THSD4: variants seen among roughly 807,000 people sequenced by gnomAD.
THSD4 encodes thrombospondin type 1 domain containing 4.
Under a neutral mutation model 119.0 loss-of-function variants are expected in THSD4, and 69 were observed. The ratio of observed to expected loss-of-function variants is 0.58; its 90% confidence interval spans 0.48 to 0.71. The LOEUF is 0.71. THSD4 is among the 30% of genes least tolerant of loss of function. The probability of loss-of-function intolerance (pLI) is 0.00; values close to 1 mark genes in which losing one functional copy is unlikely to be tolerated. For missense variants in THSD4, 1,393 were observed against 1,391.1 expected (o/e 1.00, Z -0.02); for synonymous variants, 524 against 540.4 (o/e 0.97, Z 0.42).
chr15:71,629,619 T>C (rs1334317445), intron 7 of THSD4, among the ~76,000 whole-genome samples: 4 of 152,174 alleles, frequency 2.6e-5, no homozygotes, highest in Non-Finnish European at 5.9e-5. Flanking sequence ...AAAGAGATGC[T>C]CAGGCCCCCT....
At chr15:71,223,254 G>A (rs2043989675) in intron 4 of THSD4, among the ~76,000 whole-genome samples, 1 of 152,226 alleles carries the variant, frequency 6.6e-6, no homozygotes, top group Admixed American at 6.5e-5. Flanking sequence ...GCACAAGCCT[G>A]TGCGACATCA....
chr15:71,229,407 G>A (rs1221356449), intron 4 of THSD4, among the ~76,000 whole-genome samples: 2 of 152,172 alleles, frequency 1.3e-5, no homozygotes, highest in African/African-American at 4.8e-5. Context: ...ACCAAAATCT[G>A]AGGATGTACA....
intron 6 of THSD4, among the ~76,000 whole-genome samples, chr15:71,357,719 G>A (rs142752182): frequency 1.1e-3 from 170 of 152,270 alleles, no homozygotes; most frequent in African/African-American, 3.4e-3. Flanking sequence ...TTCCAGATAC[G>A]GGGACAGAGA....
At chr15:71,339,279 G>C (rs1311087617) in intron 6 of THSD4, among the ~76,000 whole-genome samples, 1 of 151,830 alleles carries the variant, frequency 6.6e-6, no homozygotes, top group Non-Finnish European at 1.5e-5. Flanking sequence ...ACTTCTGCCT[G>C]AGCCTCCCTT....
At chr15:71,346,587 C>T (rs1021789089) in intron 6 of THSD4, among the ~76,000 whole-genome samples, 1 of 152,144 alleles carries the variant, frequency 6.6e-6, no homozygotes, top group Non-Finnish European at 1.5e-5. Context: ...TGTATTTTAC[C>T]AGTCCTAGCC....
chr15:71,694,960 A>G (rs1595870105), intron 8 of THSD4, among the ~76,000 whole-genome samples: 1 of 152,154 alleles, frequency 6.6e-6, no homozygotes, highest in Non-Finnish European at 1.5e-5. Context: ...CCAGCAGTGC[A>G]TGTGATGGCC....
At chr15:71,762,778 T>G (rs1392208069) in intron 15 of THSD4, among the ~76,000 whole-genome samples, 1 of 151,156 alleles carries the variant, frequency 6.6e-6, no homozygotes, top group Admixed American at 6.6e-5. Flanking sequence ...AATCTTATAG[T>G]TTTTTTTTGG....
At chr15:71,629,985 C>T (rs11630954) in intron 7 of THSD4, among the ~76,000 whole-genome samples, 32,277 of 152,020 alleles carry the variant, frequency 0.21, 4,322 homozygotes, top group Non-Finnish European at 0.29. Flanking sequence ...GCCTCTGTCT[C>T]TCTTGGCCGG....
At chr15:71,242,271 G>A (rs1220510426) in intron 4 of THSD4, among the ~76,000 whole-genome samples, 1 of 152,116 alleles carries the variant, frequency 6.6e-6, no homozygotes, top group Non-Finnish European at 1.5e-5. Flanking sequence ...GGCTGAAATT[G>A]CAATCATATG....
intron 17 of THSD4, among the ~76,000 whole-genome samples, chr15:71,772,048 C>T (rs562318664): frequency 7.4e-4 from 113 of 152,308 alleles, no homozygotes; most frequent in Non-Finnish European, 1.4e-3. Context: ...AATGCACCCC[C>T]AGGTATAGTC....
chr15:71,482,287 T>C (rs964433438), intron 7 of THSD4, among the ~76,000 whole-genome samples: 1 of 112,376 alleles, frequency 8.9e-6, no homozygotes, highest in African/African-American at 3.1e-5. Flanking sequence ...GAAAGGACTG[T>C]ACTGTAACTT....
chr15:71,587,174 G>A (rs2049687916), intron 7 of THSD4, among the ~76,000 whole-genome samples: 1 of 134,882 alleles, frequency 7.4e-6, no homozygotes, highest in Non-Finnish European at 1.6e-5. Context: ...CACTGTTGGT[G>A]GGACTGTAAA....
intron 3 of THSD4, among the ~76,000 whole-genome samples, chr15:71,170,086 A>C (rs2043341975): frequency 6.6e-6 from 1 of 152,194 alleles, no homozygotes; most frequent in African/African-American, 2.4e-5. Flanking sequence ...AAGCGGGAGA[A>C]TCTCTTGAAC....
intron 7 of THSD4, among the ~76,000 whole-genome samples, chr15:71,522,728 G>T (rs1245360681): frequency 1.3e-5 from 2 of 152,194 alleles, no homozygotes; most frequent in Non-Finnish European, 2.9e-5. Context: ...GTGCCTCCTG[G>T]AATAGATGAT....
intron 7 of THSD4, among the ~76,000 whole-genome samples, chr15:71,516,644 C>T (rs1050905429): frequency 6.6e-6 from 1 of 152,062 alleles, no homozygotes; most frequent in Non-Finnish European, 1.5e-5. Context: ...CAATTTATGC[C>T]ACATCTGTGT....
chr15:71,475,348 T>A (rs1450936265), intron 7 of THSD4, among the ~76,000 whole-genome samples: 4 of 152,236 alleles, frequency 2.6e-5, no homozygotes, highest in Non-Finnish European at 4.4e-5. Context: ...TGCCAAATTG[T>A]TCCCCATTTT....
intron 6 of THSD4, among the ~76,000 whole-genome samples, chr15:71,374,628 T>C (rs2046106452): frequency 1.3e-5 from 2 of 152,160 alleles, no homozygotes; most frequent in African/African-American, 4.8e-5. Context: ...AGAGGCTGCA[T>C]TGAGGAATGA....
intron 8 of THSD4, among the ~76,000 whole-genome samples, chr15:71,688,870 T>C (rs2051980908): frequency 6.6e-6 from 1 of 152,152 alleles, no homozygotes; most frequent in Admixed American, 6.6e-5. Flanking sequence ...TTCAATTATT[T>C]GCTTACTTTG....
chr15:71,764,042 G>A (rs2053671757), intron 15 of THSD4, among the ~76,000 whole-genome samples: 1 of 151,938 alleles, frequency 6.6e-6, no homozygotes, highest in South Asian at 2.1e-4. Context: ...ACTCCAGCCT[G>A]GGTGACAGAG....
Sources: allele counts gnomAD v4.1 joint callset (sites outside exome capture counted in the v4.1 genomes callset), GRCh38; gene constraint gnomAD v4.1.1; transcripts MANE v1.5; gene names NCBI Gene and HGNC (gene_info 2026-07-23, HGNC 2026-07-21).